The following WBP2NL variants were observed in gnomAD, a reference collection of about 807,000 sequenced individuals.
WBP2NL encodes postacrosomal sheath WW domain-binding protein.
A neutral mutation model predicts 23.3 loss-of-function variants in WBP2NL; 27 were observed. The observed-to-expected ratio is 1.16, with a 90% confidence interval of 0.85 to 1.60. The LOEUF (loss-of-function observed/expected upper bound fraction) is 1.60, where lower values mean the gene tolerates loss of function less well. WBP2NL is among the 40% of genes most tolerant of loss of function. The pLI is 0.00. For missense variants in WBP2NL, 370 were observed against 389.5 expected, an observed-to-expected ratio of 0.95 and a Z score of 0.42; for synonymous variants, 151 against 145.9, an observed-to-expected ratio of 1.03 and a Z score of -0.25.
At chr22:41,999,015 C>T in intron 1 of WBP2NL, 135 bp downstream of exon 1, 1 of 1,050,856 alleles carries the variant, frequency 9.5e-7, no homozygotes. Flanking sequence ...CCGCCCCCGA[C>T]CTTTGGGAGC....
At chr22:42,057,840 T>C (rs201723260) in intron 8 of WBP2NL, among the ~76,000 whole-genome samples, 1 of 123,356 alleles carries the variant, frequency 8.1e-6, no homozygotes, top group East Asian at 3.3e-4. Context: ...TATATATATA[T>C]ATATATACAC....
At chr22:42,008,365 A>G (rs1452403520) in intron 1 of WBP2NL, among the ~76,000 whole-genome samples, 1 of 151,518 alleles carries the variant, frequency 6.6e-6, no homozygotes, top group East Asian at 1.9e-4. Flanking sequence ...ATATGCCACT[A>G]CACCCAGTTT....
At chr22:42,044,401 G>T (rs1680319431) in intron 8 of WBP2NL, among the ~76,000 whole-genome samples, 1 of 152,100 alleles carries the variant, frequency 6.6e-6, no homozygotes. Flanking sequence ...CCCCACTGGG[G>T]ATTCAGTTTC....
rs367743588 is a variant in WBP2NL at position 42,019,804 on chromosome 22, G to A, written c.313+1G>A. ...GGAACTATTCAGGCAGCTCCATATG[G>A]TAAGTGTTCCCTCAGAAGTGTGTAT... On this transcript the variant is annotated splice_donor_variant, in intron 3 of 5. Coordinates refer to ENST00000328823, the MANE Select transcript of WBP2NL (RefSeq NM_152613.3). LOFTEE classifies it high-confidence loss of function. 22 of 1,613,910 alleles carry A rather than the reference G, an allele frequency of 1.4e-5. No individual in the cohort carries two copies. The highest frequency in any genetic ancestry group is 1.7e-5 in the Non-Finnish European group (20 of 1,180,006).
intron 1 of WBP2NL, chr22:42,001,457 T>C: frequency 1.1e-6 from 1 of 906,086 alleles, no homozygotes; most frequent in South Asian, 1.4e-5. Context: ...GTACAGGCTC[T>C]TAATCCCGTC....
downstream of WBP2NL, among the ~76,000 whole-genome samples, chr22:42,033,265 C>T (rs1925057862): frequency 6.6e-6 from 1 of 152,194 alleles, no homozygotes; most frequent in Non-Finnish European, 1.5e-5. Context: ...GCTTCCACAG[C>T]TGGCACCAGG....
chr22:42,001,969 C>G, intron 1 of WBP2NL: 3 of 1,244,682 alleles, frequency 2.4e-6, no homozygotes, highest in Non-Finnish European at 3.2e-6. Context: ...TCTGTGATGT[C>G]GAAAGAGGAG....
intron 8 of WBP2NL, among the ~76,000 whole-genome samples, chr22:42,057,826 C>CATATATAT (rs3045495): frequency 1.2e-4 from 12 of 98,156 alleles, no homozygotes; most frequent in African/African-American, 4.5e-4. Context: ...GTATTAAGGT[C>CATATATAT]ATATATATAT....
rs547505382 is a variant in WBP2NL, at chr22:42,055,633, A to G, written c.*274-2657A>G. On this transcript the variant is annotated intron_variant and NMD_transcript_variant, in intron 8 of 8. Transcript: ENST00000436265. Reference sequence around the variant, plus strand: ...TAGGTCTAATTGGTTTATAATTAGTATTGGTAATATAATTGGTAACATTTA... The same window carrying G: ...TAGGTCTAATTGGTTTATAATTAGTGTTGGTAATATAATTGGTAACATTTA... Among the ~76,000 whole-genome samples, 74 of 152,330 alleles carry G rather than the reference A, an allele frequency of 4.9e-4. 1 individual carries two copies. The Middle Eastern group carries it at 0.01, about 21-fold the overall frequency.
chr22:42,008,432 C>G (rs1222604585), intron 1 of WBP2NL, among the ~76,000 whole-genome samples: 1 of 151,820 alleles, frequency 6.6e-6, no homozygotes, highest in Non-Finnish European at 1.5e-5. Context: ...GTCTCAAACT[C>G]TTAGCATCAA....
intron 1 of WBP2NL, among the ~76,000 whole-genome samples, chr22:42,003,884 C>T (rs1227961802): frequency 6.6e-6 from 1 of 152,112 alleles, no homozygotes; most frequent in Non-Finnish European, 1.5e-5. Flanking sequence ...TTATGGTAAA[C>T]CTTGGGTGGA....
At chr22:42,026,739 T>A in intron 5 of WBP2NL, 27 bp from the exon 6 acceptor site, 1 of 1,600,028 alleles carries the variant, frequency 6.2e-7, no homozygotes, top group Non-Finnish European at 8.5e-7. Flanking sequence ...GGTAACTGAA[T>A]TTTTTTCCTT....
At position 41,998,842 on chromosome 22, in the gene WBP2NL, C is replaced by G. The variant is rs1356158625; in HGVS notation, c.24C>G (p.Thr8=). The part of the protein sequence containing the change: MAVNQSH[T]ENRRGALIPN... ...AGATGGCGGTGAATCAGAGCCACACCGAGAACCGCCGCGGAGCCCTCATCC... is the reference window on the plus strand; with the variant it reads ...AGATGGCGGTGAATCAGAGCCACACGGAGAACCGCCGCGGAGCCCTCATCC... The change falls in exon 1 of 6, where the codon ACC becomes ACG. Residue 8 remains threonine (T), a synonymous_variant. Coordinates refer to ENST00000328823, the MANE Select transcript of WBP2NL (RefSeq NM_152613.3). The G allele has an allele frequency of 6.2e-7, 1 of 1,612,310 alleles. No homozygotes were observed. The highest frequency in any genetic ancestry group is 2.2e-5 in the East Asian group (1 of 44,838).
Position 42,027,262 on chromosome 22 carries a change from G to T in WBP2NL, c.*81G>T, listed in dbSNP as rs1924601123. 1 of 1,496,564 alleles carries T rather than the reference G, an allele frequency of 6.7e-7. No individual in the cohort carries two copies. Among genetic ancestry groups the T allele is most frequent in the Non-Finnish European group, 8.9e-7 (1 of 1,123,062 alleles). The allele number at this position is 1,496,564 out of a possible 1,614,324, so 92.7% of individuals were successfully genotyped here. A position where few individuals can be genotyped will look rare whatever the true frequency, so the allele number is the denominator to read the frequency against. ...AAGTCAGGATAAGGAGGACGACTCA[G>T]GTATGTGATCACAGGCTTCTCGCAG... On this transcript the variant is annotated 3_prime_UTR_variant, in exon 6 of 6. Coordinates refer to ENST00000328823, the MANE Select transcript of WBP2NL (RefSeq NM_152613.3).
At chr22:42,042,261 T>C (rs1925424803) in intron 8 of WBP2NL, among the ~76,000 whole-genome samples, 1 of 152,220 alleles carries the variant, frequency 6.6e-6, no homozygotes, top group Non-Finnish European at 1.5e-5. Flanking sequence ...CTTCCTTTTC[T>C]CACTCTTCTT....
At chr22:42,004,681 T>C (rs1255130496) in intron 1 of WBP2NL, among the ~76,000 whole-genome samples, 1 of 152,180 alleles carries the variant, frequency 6.6e-6, no homozygotes, top group East Asian at 1.9e-4. Context: ...CCCAGCACTT[T>C]GGGAGGCCAA....
At chr22:42,019,478 G>A in intron 2 of WBP2NL, 59 bp downstream of exon 2, 3 of 1,576,928 alleles carry the variant, frequency 1.9e-6, no homozygotes, top group Non-Finnish European at 2.6e-6. Context: ...TCCTTGAAAT[G>A]AAGAAAACTT....
At chr22:42,023,146 A>T (rs2146794435) in intron 5 of WBP2NL, among the ~76,000 whole-genome samples, 1 of 151,998 alleles carries the variant, frequency 6.6e-6, no homozygotes, top group Middle Eastern at 3.4e-3. Flanking sequence ...ACGTATTCAC[A>T]ATATTATACA....
intron 5 of WBP2NL, 141 bp downstream of exon 5, chr22:42,022,497 G>T: frequency 1.3e-6 from 1 of 750,194 alleles, no homozygotes; most frequent in Non-Finnish European, 2.1e-6. Flanking sequence ...CTGTGACTTT[G>T]TTTCCAGACT....
Sources: gnomAD v4.1 joint callset for allele counts (sites outside exome capture counted in the v4.1 genomes callset) on GRCh38, gnomAD v4.1.1 for gene constraint, MANE v1.5 for transcripts, NCBI Gene and HGNC (gene_info 2026-07-23, HGNC 2026-07-21) for gene names.